The following PCNX2 variants were observed in gnomAD, a reference collection of about 807,000 sequenced individuals.
The protein encoded by PCNX2 is pecanex 2.
Under a neutral mutation model 223.8 loss-of-function variants are expected in PCNX2, and 168 were observed. That is an observed-to-expected ratio of 0.75 (90% CI 0.66 to 0.85). PCNX2 has a LOEUF of 0.85. Among genes scored for constraint, PCNX2 ranks in the 40% least tolerant of loss-of-function variants. The pLI is 0.00. For synonymous variants in PCNX2, 1,006 were observed against 1,052.6 expected (o/e 0.96, Z 0.86); for missense variants, 2,507 against 2,675.5 (o/e 0.94, Z 1.39).
chr1:233,013,630 G>A (rs1339163398), intron 28 of PCNX2, among the ~76,000 whole-genome samples: 1 of 152,122 alleles, frequency 6.6e-6, no homozygotes, highest in Admixed American at 6.5e-5. Context: ...CTTTTGTAGA[G>A]CACCATCAAT....
chr1:233,016,062 T>C (rs1178959200), intron 27 of PCNX2, among the ~76,000 whole-genome samples: 1 of 152,242 alleles, frequency 6.6e-6, no homozygotes, highest in Non-Finnish European at 1.5e-5. Flanking sequence ...ATATCTCAAC[T>C]GCTGAAAGAG....
At chr1:233,100,462 T>C (rs1674425936) in intron 21 of PCNX2, among the ~76,000 whole-genome samples, 1 of 151,226 alleles carries the variant, frequency 6.6e-6, no homozygotes, top group African/African-American at 2.4e-5. Context: ...GGAGTAATTA[T>C]GGCTGTTTCC....
intron 15 of PCNX2, among the ~76,000 whole-genome samples, chr1:233,198,441 T>A (rs566309465): frequency 1.3e-5 from 2 of 152,224 alleles, no homozygotes; most frequent in Admixed American, 1.3e-4. Flanking sequence ...TGTTTTCTCA[T>A]CATCTTAGGC....
intron 19 of PCNX2, among the ~76,000 whole-genome samples, chr1:233,141,962 C>T (rs1677157040): frequency 6.6e-6 from 1 of 151,838 alleles, no homozygotes; most frequent in East Asian, 1.9e-4. Flanking sequence ...ATAGAAGAGA[C>T]AATGAGAAAT....
In PCNX2 at chr1:233,025,393, T is replaced by G; in HGVS notation, c.4358A>C (p.Tyr1453Ser). Reference protein sequence around the residue: ...QLRGLEFRGTYCQQREVEAIM... With the variant: ...QLRGLEFRGTSCQQREVEAIM... ...GGCTTCTACCTCCCTCTGCTGGCAG[T>G]AGGTTCCTGGCCGAGCACAAACATG... The change falls in exon 26 of 34, where the codon TAC becomes TCC. Residue 1453 changes from tyrosine (Y) to serine (S), a missense_variant. Physicochemically the swap from Tyr to Ser is moderately radical, Grantham distance 144. This residue lies in a region of PCNX2 where 1,372 missense variants were observed against 1,509.4 expected (regional missense o/e 0.91). Coordinates refer to ENST00000258229, the MANE Select transcript of PCNX2 (RefSeq NM_014801.4). The G allele has an allele frequency of 6.2e-7, 1 of 1,613,788 alleles. No homozygotes were observed. The highest frequency in any genetic ancestry group is 8.5e-7 in the Non-Finnish European group (1 of 1,179,770).
chr1:233,323,872 T>G, the PCNX2 span, among the ~76,000 whole-genome samples: 263 of 152,324 alleles, frequency 1.7e-3, 1 homozygote, highest in African/African-American at 5.7e-3. Context: ...CTAGAAATGA[T>G]TAAGCTTAGT....
intron 4 of PCNX2, among the ~76,000 whole-genome samples, chr1:233,260,900 C>T (rs1660007148): frequency 1.3e-5 from 2 of 151,838 alleles, no homozygotes; most frequent in African/African-American, 4.8e-5. Context: ...GAAAGAAAGG[C>T]AGATATGCAG....
chr1:233,262,200 G>A (rs778912963), intron 2 of PCNX2, 35 bp from the exon 3 acceptor site: 34 of 1,610,504 alleles, frequency 2.1e-5, no homozygotes, highest in East Asian at 8.9e-5. Flanking sequence ...AGCAGTGAGC[G>A]ATATTATCAA....
chr1:233,263,206 A>G, intron 1 of PCNX2, 43 bp from the exon 2 acceptor site: 1 of 1,468,272 alleles, frequency 6.8e-7, no homozygotes, highest in Non-Finnish European at 9.2e-7. Flanking sequence ...TGCTTTTAAG[A>G]TTTTCTTTCT....
intron 15 of PCNX2, among the ~76,000 whole-genome samples, chr1:233,196,029 T>C (rs934977361): frequency 1.3e-5 from 2 of 152,136 alleles, no homozygotes; most frequent in Admixed American, 6.5e-5. Flanking sequence ...GCATATTATA[T>C]AGCTGCAGTA....
chr1:233,303,539 A>G, the PCNX2 span, among the ~76,000 whole-genome samples: 1 of 152,258 alleles, frequency 6.6e-6, no homozygotes, highest in Non-Finnish European at 1.5e-5. Context: ...GTACATATAT[A>G]TCTATAAAGC....
intron 27 of PCNX2, among the ~76,000 whole-genome samples, chr1:233,016,465 C>T (rs1376910294): frequency 2.0e-5 from 3 of 152,136 alleles, no homozygotes; most frequent in African/African-American, 4.8e-5. Flanking sequence ...GTGTTCTCAG[C>T]ACATACGCAA....
chr1:233,294,407 C>A (rs1428877947), intron 1 of PCNX2, among the ~76,000 whole-genome samples: 1 of 152,090 alleles, frequency 6.6e-6, no homozygotes, highest in Non-Finnish European at 1.5e-5. Context: ...GAGTTCTGAC[C>A]CTTTGGATAC....
chr1:233,200,286 TGACGATAAGCATGG>T, intron 13 of PCNX2, 22 bp from the exon 14 acceptor site: 1 of 1,508,008 alleles, frequency 6.6e-7, no homozygotes, highest in Non-Finnish European at 9.0e-7. Context: ...CAAACAAAAT[TGACGATAAGCATGG>T]GGAACTGTGT....
At chr1:233,271,782 G>A (rs927614393) in intron 1 of PCNX2, among the ~76,000 whole-genome samples, 4 of 152,152 alleles carry the variant, frequency 2.6e-5, no homozygotes, top group African/African-American at 7.2e-5. Flanking sequence ...TCAGTTGGCT[G>A]TAAGTATTTG....
the PCNX2 span, among the ~76,000 whole-genome samples, chr1:233,300,796 A>G: frequency 6.6e-6 from 1 of 152,188 alleles, no homozygotes; most frequent in East Asian, 1.9e-4. Context: ...TAGCTGACTA[A>G]AGTATCCACC....
intron 8 of PCNX2, chr1:233,241,284 G>T (rs1470230857): frequency 1.0e-6 from 1 of 985,276 alleles, no homozygotes; most frequent in African/African-American, 1.7e-5. Flanking sequence ...TGGCAGCAGT[G>T]GCTGTTGCCA....
At chr1:233,260,081 C>T (rs756008686) in intron 4 of PCNX2, among the ~76,000 whole-genome samples, 4 of 152,102 alleles carry the variant, frequency 2.6e-5, no homozygotes, top group Admixed American at 6.5e-5. Flanking sequence ...ACCAAATCCC[C>T]TAAAATACTG....
chr1:233,137,862 C>T (rs1558270410), intron 20 of PCNX2, among the ~76,000 whole-genome samples: 1 of 152,150 alleles, frequency 6.6e-6, no homozygotes, highest in South Asian at 2.1e-4. Context: ...ATTCATCCTT[C>T]TAACGCTTAC....
Sources: allele counts gnomAD v4.1 joint callset (sites outside exome capture counted in the v4.1 genomes callset), GRCh38; gene constraint gnomAD v4.1.1; regional missense constraint gnomAD v4.1.1; transcripts MANE v1.5; gene names NCBI Gene and HGNC (gene_info 2026-07-23, HGNC 2026-07-21).